Variants in RYR2 observed in about 807,000 individuals in gnomAD.
The protein encoded by RYR2 is cardiac muscle ryanodine receptor-calcium release channel.
RYR2 carries 227 observed loss-of-function variants against 601.1 expected under a neutral mutation model. The ratio of observed to expected loss-of-function variants is 0.38; its 90% CI spans 0.34 to 0.42. The LOEUF (loss-of-function observed/expected upper bound fraction) is 0.42, where lower values mean the gene tolerates loss of function less well. RYR2 is among the 10% of genes least tolerant of loss of function. The pLI, the probability that RYR2 is intolerant of heterozygous loss-of-function variation, is 1.00. For missense variants in RYR2, 4,646 were observed against 6,156.5 expected (o/e 0.75, Z 8.21); for synonymous variants, 2,223 against 2,175.1 (o/e 1.02, Z -0.61).
chr1:237,215,729 C>T (rs1683084610), intron 1 of RYR2, among the ~76,000 whole-genome samples: 1 of 152,040 alleles, frequency 6.6e-6, no homozygotes. Flanking sequence ...TAGGTACTTT[C>T]CATGATAATG....
At chr1:237,227,828 T>A (rs1038868234) in intron 1 of RYR2, among the ~76,000 whole-genome samples, 5 of 152,234 alleles carry the variant, frequency 3.3e-5, no homozygotes, top group African/African-American at 9.6e-5. Context: ...CTTACTTTTT[T>A]ATTAATCTTT....
chr1:237,250,469 T>G (rs1445887910), intron 1 of RYR2, among the ~76,000 whole-genome samples: 1 of 152,182 alleles, frequency 6.6e-6, no homozygotes, highest in Non-Finnish European at 1.5e-5. Context: ...TTAAAGATAG[T>G]CTCTCATTTA....
intron 1 of RYR2, among the ~76,000 whole-genome samples, chr1:237,252,585 T>C (rs1046397857): frequency 5.2e-4 from 79 of 152,232 alleles, no homozygotes; most frequent in African/African-American, 1.9e-3. Flanking sequence ...CACAGTCTTA[T>C]GTGTTGAATG....
At chr1:237,745,339 A>G (rs954518839) in intron 80 of RYR2, among the ~76,000 whole-genome samples, 2 of 152,188 alleles carry the variant, frequency 1.3e-5, no homozygotes, top group African/African-American at 4.8e-5. Flanking sequence ...TTTATCACGA[A>G]TTATTTCATA....
At chr1:237,074,844 C>T (rs1172514187) in intron 1 of RYR2, among the ~76,000 whole-genome samples, 1 of 152,152 alleles carries the variant, frequency 6.6e-6, no homozygotes, top group African/African-American at 2.4e-5. Context: ...GGTAGAGGGG[C>T]CATCCTGGGC....
chr1:237,112,259 G>A (rs546712243), intron 1 of RYR2, among the ~76,000 whole-genome samples: 21 of 152,182 alleles, frequency 1.4e-4, no homozygotes, highest in Non-Finnish European at 1.0e-4. Context: ...GATTACAAGC[G>A]TCCACCACCA....
chr1:237,542,950 C>T (rs762520501), intron 25 of RYR2, among the ~76,000 whole-genome samples: 2 of 152,202 alleles, frequency 1.3e-5, no homozygotes, highest in African/African-American at 4.8e-5. Flanking sequence ...TCCTCTGACT[C>T]TCCCCTCCTG....
chr1:237,198,822 A>G (rs1435770929), intron 1 of RYR2, among the ~76,000 whole-genome samples: 1 of 149,862 alleles, frequency 6.7e-6, no homozygotes, highest in Non-Finnish European at 1.5e-5. Flanking sequence ...AAAAGGTTTT[A>G]GACATATATA....
chr1:237,648,375 A>G, intron 48 of RYR2, 69 bp from the exon 49 acceptor site: 1 of 1,297,356 alleles, frequency 7.7e-7, no homozygotes, highest in Non-Finnish European at 1.0e-6. Context: ...AAGTCTAGAA[A>G]GCAGCCATTT....
In RYR2 at chr1:237,436,454, C is replaced by CTTTTTTTTTTTTTTTTTT. The variant is rs551140501; in HGVS notation, c.1006-4858_1006-4841dup. Among the ~76,000 whole-genome samples, 301 of 48,688 alleles carry CTTTTTTTTTTTTTTTTTT rather than the reference C, an allele frequency of 6.2e-3. 25 individuals carry two copies. The highest frequency in any genetic ancestry group is 0.018 in the African/African-American group (182 of 10,146). The allele number at this position is 48,688 out of a possible 152,430, so 31.9% of individuals were successfully genotyped here. A position where few individuals can be genotyped will look rare whatever the true frequency, so the allele number is the denominator to read the frequency against. ...AGCCGAGGGATAATGTGTGATTTTCCTTTTTTTTTTTTTTTTTTTTTTTTG... is the reference window on the plus strand; with the variant it reads ...AGCCGAGGGATAATGTGTGATTTTCCTTTTTTTTTTTTTTTTTTTTTTTTTTTTTTTTTTTTTTTTTTG... On this transcript the variant is annotated intron_variant, in intron 12 of 104. Coordinates refer to ENST00000366574, the MANE Select transcript of RYR2 (RefSeq NM_001035.3).
At position 237,106,834 on chromosome 1, in the gene RYR2, A is replaced by T. The variant is rs535699465; in HGVS notation, c.48+64265A>T. On this transcript the variant is annotated intron_variant, in intron 1 of 104. Coordinates refer to ENST00000366574, the MANE Select transcript of RYR2 (RefSeq NM_001035.3). The surrounding 1 kb of genome is among the most constrained non-coding windows in gnomAD (Gnocchi z 4.4). ...CTGGTGAAGGCTCGCTTCCTGGTTC[A>T]TAGGCGGCTGTCTTCTTGCTGTGTT... 6.6e-6 allele frequency among the ~76,000 whole-genome samples: 1 copy of T among 152,328 alleles called. No individual in the cohort carries two copies. The highest frequency in any genetic ancestry group is 1.9e-4 in the East Asian group (1 of 5,178).
intron 97 of RYR2, among the ~76,000 whole-genome samples, chr1:237,799,318 C>T (rs1659668379): frequency 6.6e-6 from 1 of 152,036 alleles, no homozygotes; most frequent in African/African-American, 2.4e-5. Flanking sequence ...GGCTGAGCAT[C>T]CCACAAACAT....
intron 84 of RYR2, among the ~76,000 whole-genome samples, 200 bp from the exon 85 acceptor site, chr1:237,770,607 T>TTTTC (rs1423388972): frequency 2.0e-5 from 3 of 152,218 alleles, no homozygotes; most frequent in Non-Finnish European, 4.4e-5. Flanking sequence ...TCAAACGTTC[T>TTTTC]TTTCTTACAA....
chr1:237,694,293 C>CAAAAA (rs35085689), intron 63 of RYR2, among the ~76,000 whole-genome samples: 6 of 91,920 alleles, frequency 6.5e-5, no homozygotes, highest in African/African-American at 2.0e-4. Flanking sequence ...GACTCCCTCT[C>CAAAAA]AAAAAAAAAA....
At position 237,549,671 on chromosome 1, in the gene RYR2, G is replaced by A. The variant is rs553382130; in HGVS notation, c.3067-873G>A. ...TTTTTTTTTTTAACTCTTGGGAGAT[G>A]TGGTGGGAACATCCACAGCCTCCCA... On this transcript the variant is annotated intron_variant, in intron 26 of 104. Transcript: ENST00000366574. Among the ~76,000 whole-genome samples the A allele has an allele frequency of 2.5e-5, 3 of 120,376 alleles. No homozygotes were observed. In the South Asian group the frequency reaches 8.3e-4, roughly 33 times the overall value. The allele number at this position is 120,376 out of a possible 152,430, so 79.0% of individuals were successfully genotyped here. A position where few individuals can be genotyped will look rare whatever the true frequency, so the allele number is the denominator to read the frequency against.
At chr1:237,544,696 A>C (rs1408248417) in intron 25 of RYR2, among the ~76,000 whole-genome samples, 3 of 152,308 alleles carry the variant, frequency 2.0e-5, no homozygotes. Context: ...GGTGAAATGA[A>C]CATTGTCAAA....
At chr1:237,356,534 G>A (rs1244899043) in intron 4 of RYR2, among the ~76,000 whole-genome samples, 2 of 151,898 alleles carry the variant, frequency 1.3e-5, no homozygotes, top group African/African-American at 4.8e-5. Context: ...AAAGTGCTGG[G>A]ATTACACACA....
At chr1:237,796,741 T>C (rs1043831544) in intron 96 of RYR2, among the ~76,000 whole-genome samples, 7 of 151,962 alleles carry the variant, frequency 4.6e-5, no homozygotes, top group African/African-American at 1.7e-4. Context: ...CTACCAGTGA[T>C]CTCTCCTCCT....
intron 58 of RYR2, among the ~76,000 whole-genome samples, 160 bp downstream of exon 58, chr1:237,668,118 C>T (rs987938609): frequency 3.9e-5 from 6 of 152,152 alleles, no homozygotes; most frequent in Non-Finnish European, 7.4e-5. Context: ...GCTGTAATTT[C>T]CTAGTGGCTA....
Sources: gnomAD v4.1 joint callset for allele counts (sites outside exome capture counted in the v4.1 genomes callset) on GRCh38, gnomAD v4.1.1 for gene constraint, Gnocchi (gnomAD v3.1) non-coding constraint, MANE v1.5 for transcripts, NCBI Gene and HGNC (gene_info 2026-07-23, HGNC 2026-07-21) for gene names.